The following COL17A1 variants were observed in gnomAD, a reference collection of about 807,000 sequenced individuals.
COL17A1 encodes the protein collagen type XVII alpha 1 chain, also known as collagen alpha-1(XVII) chain.
COL17A1 carries 181 observed loss-of-function variants against 218.4 expected under a neutral mutation model. The ratio of observed to expected loss-of-function variants is 0.83; its 90% CI spans 0.73 to 0.94. COL17A1 has a LOEUF of 0.94. COL17A1 is among the 40% of genes least tolerant of loss of function. The pLI, the probability that COL17A1 is intolerant of heterozygous loss-of-function variation, is 0.00. For missense variants in COL17A1, 1,924 were observed against 1,945.9 expected (o/e 0.99, Z 0.21); for synonymous variants, 721 against 731.0 (o/e 0.99, Z 0.22).
Position 104,032,140 on chromosome 10 carries a change from T to G in COL17A1, c.*95A>C. The G allele has an allele frequency of 1.0e-6, 1 of 958,192 alleles. No homozygotes were observed. The highest frequency in any genetic ancestry group is 1.7e-6 in the Non-Finnish European group (1 of 591,508). The allele number at this position is 958,192 out of a possible 1,614,324, so 59.4% of individuals were successfully genotyped here. A position where few individuals can be genotyped will look rare whatever the true frequency, so the allele number is the denominator to read the frequency against. On this transcript the variant is annotated 3_prime_UTR_variant, in exon 56 of 56. Transcript: ENST00000648076. ...TTGGCTGTGCTGTCTCAGTAGGACA[T>G]TGACAGACTCCAGCTTTCACCCTCT...
intron 15 of COL17A1, among the ~76,000 whole-genome samples, chr10:104,058,933 C>CAA (rs11351494): frequency 7.5e-6 from 1 of 134,214 alleles, no homozygotes; most frequent in East Asian, 2.1e-4. Context: ...GACTCCGTCT[C>CAA]AAAAAAAAAA....
At chr10:104,048,798 A>G (rs1389119509) in intron 29 of COL17A1, among the ~76,000 whole-genome samples, 1 of 152,000 alleles carries the variant, frequency 6.6e-6, no homozygotes, top group Non-Finnish European at 1.5e-5. Context: ...GTAAGGCTTA[A>G]ACCCTTCTTG....
At chr10:104,034,577 G>A (rs747147254) in intron 51 of COL17A1, 44 bp downstream of exon 51, 2 of 1,596,804 alleles carry the variant, frequency 1.3e-6, no homozygotes, top group Middle Eastern at 1.7e-4. Flanking sequence ...GGAAAAGCAA[G>A]GCCTGCGGGG....
chr10:104,054,081 A>G lies in COL17A1; in HGVS notation c.1771+11T>C, dbSNP rs2086496116. ...CACTGGCAGGCCTGGAGGTCATCAG[A>G]GAGTACATACCTGGAGTCCCAGGGA... On this transcript the variant is annotated intron_variant, in intron 21 of 55. Transcript: ENST00000648076. The G allele has an allele frequency of 6.2e-7, 1 of 1,613,050 alleles. No homozygotes were observed. Among genetic ancestry groups the G allele is most frequent in the Non-Finnish European group, 8.5e-7 (1 of 1,179,562 alleles).
At chr10:104,068,625 C>T (rs930156825) in intron 9 of COL17A1, among the ~76,000 whole-genome samples, 4 of 152,072 alleles carry the variant, frequency 2.6e-5, no homozygotes, top group African/African-American at 7.2e-5. Context: ...CTGGACAGAG[C>T]GGGGCCTAAT....
chr10:104,063,134 C>A (rs926939501), intron 11 of COL17A1, among the ~76,000 whole-genome samples: 8 of 152,264 alleles, frequency 5.3e-5, no homozygotes, highest in African/African-American at 1.9e-4. Context: ...ACAAGGCCCA[C>A]ATCATTATGT....
At chr10:104,068,477 A>T (rs1234758740) in intron 9 of COL17A1, among the ~76,000 whole-genome samples, 1 of 152,244 alleles carries the variant, frequency 6.6e-6, no homozygotes, top group East Asian at 1.9e-4. Context: ...AAAAAGGTAG[A>T]TTATCCAATA....
intron 55 of COL17A1, 71 bp downstream of exon 55, chr10:104,032,603 C>G: frequency 6.7e-7 from 1 of 1,483,556 alleles, no homozygotes; most frequent in Non-Finnish European, 9.4e-7. Context: ...GAACAAATCA[C>G]CTGCTTCTCT....
chr10:104,059,705 T>C lies in COL17A1; in HGVS notation c.1155A>G (p.Glu385=), dbSNP rs2274102. Residue 385 remains glutamate (E), a synonymous_variant, in exon 15 of 56, where the codon GAA becomes GAG. Coordinates refer to ENST00000648076, the MANE Select transcript of COL17A1 (RefSeq NM_000494.4). The stretch of plus-strand genomic sequence containing the variant: ...CTTGCTTTTCTTTTTTTAGGGTGTC[T>C]TCTGAAAAAGAAGCTATGTACAGAA... ...PASIAATSFS[E]DTLKKEKQAA... 12 of 1,614,072 alleles carry C rather than the reference T, an allele frequency of 7.4e-6. No homozygotes were observed. The East Asian group carries it at 2.5e-4, about 33-fold the overall frequency.
intron 1 of COL17A1, among the ~76,000 whole-genome samples, chr10:104,083,173 T>C (rs1055923112): frequency 1.3e-5 from 2 of 152,344 alleles, no homozygotes; most frequent in African/African-American, 2.4e-5. Flanking sequence ...GATCTTCCCA[T>C]GGGACCTACA....
chr10:104,059,414 T>G, intron 15 of COL17A1: 5 of 593,380 alleles, frequency 8.4e-6, no homozygotes, highest in Middle Eastern at 9.1e-4. Context: ...AGGCTTTTGC[T>G]TCAGTAATGC....
intron 7 of COL17A1, among the ~76,000 whole-genome samples, chr10:104,072,433 C>A (rs2086677051): frequency 6.6e-6 from 1 of 152,236 alleles, no homozygotes; most frequent in South Asian, 2.1e-4. Context: ...TGGTCTCAGG[C>A]ATTGGCAAAA....
At chr10:104,079,896 C>T (rs1232226139) in intron 2 of COL17A1, among the ~76,000 whole-genome samples, 1 of 143,492 alleles carries the variant, frequency 7.0e-6, no homozygotes, top group African/African-American at 2.6e-5. Context: ...CACTGCACTC[C>T]AGCCTGGGCA....
chr10:104,058,784 A>T (rs931041548), intron 15 of COL17A1, among the ~76,000 whole-genome samples: 4 of 152,104 alleles, frequency 2.6e-5, no homozygotes, highest in African/African-American at 9.7e-5. Context: ...ATACAAAAAA[A>T]TTAGCTGGAT....
At chr10:104,059,356 G>A (rs1358667272) in intron 15 of COL17A1, 1 of 485,888 alleles carries the variant, frequency 2.1e-6, no homozygotes, top group African/African-American at 1.9e-5. Flanking sequence ...AGATTATGGA[G>A]AAAAAGTAAA....
intron 25 of COL17A1, 72 bp from the exon 26 acceptor site, chr10:104,050,973 C>T (rs751091849): frequency 5.6e-6 from 9 of 1,602,774 alleles, no homozygotes; most frequent in Non-Finnish European, 6.8e-6. Context: ...TGTATGCACA[C>T]ACATGCACAC....
intron 11 of COL17A1, among the ~76,000 whole-genome samples, chr10:104,062,889 C>T (rs552935956): frequency 5.9e-5 from 9 of 152,302 alleles, no homozygotes; most frequent in African/African-American, 2.2e-4. Flanking sequence ...AAGCTTATTC[C>T]TCCTGGCCAG....
chr10:104,047,939 C>T (rs1439462767), intron 30 of COL17A1, 129 bp from the exon 31 acceptor site: 1 of 1,374,986 alleles, frequency 7.3e-7, no homozygotes, highest in African/African-American at 1.4e-5. Context: ...AGAAGGGGAA[C>T]AGAACTGGAC....
chr10:104,042,463 CG>C lies in COL17A1; in HGVS notation c.2516-9del, dbSNP rs763352250. The stretch of plus-strand genomic sequence containing the variant: ...CAGCTGGGCCGGCAGGGCCTGGAAA[CG>C]GGGTTGAGGAAGAAAAGGCTAAATC... On this transcript the variant is annotated splice_polypyrimidine_tract_variant and intron_variant, in intron 35 of 55. Coordinates refer to ENST00000648076, the MANE Select transcript of COL17A1 (RefSeq NM_000494.4). 6.2e-7 allele frequency: 1 copy of C among 1,614,050 alleles called. No individual in the cohort carries two copies. The highest frequency in any genetic ancestry group is 1.3e-5 in the African/African-American group (1 of 75,004).
Sources: allele counts gnomAD v4.1 joint callset (sites outside exome capture counted in the v4.1 genomes callset), GRCh38; gene constraint gnomAD v4.1.1; transcripts MANE v1.5; gene names NCBI Gene and HGNC (gene_info 2026-07-23, HGNC 2026-07-21).